Variants in KLC1 observed in about 807,000 individuals in gnomAD.
KLC1 encodes the protein kinesin light chain 1, also known as kinesin 2 60/70kDa.
In KLC1, 30 loss-of-function variants were observed where a neutral mutation model predicts 84.2. The ratio of observed to expected loss-of-function variants is 0.36; its 90% CI spans 0.27 to 0.48. The LOEUF (loss-of-function observed/expected upper bound fraction) is 0.48. Ranked by LOEUF, KLC1 falls within the 20% of genes least tolerant of loss-of-function variation. The pLI, the probability that KLC1 is intolerant of heterozygous loss-of-function variation, is 0.99. For synonymous variants in KLC1, 289 were observed against 293.3 expected, an observed-to-expected ratio of 0.99 and a Z score of 0.15; for missense variants, 499 against 805.4, an observed-to-expected ratio of 0.62 and a Z score of 4.60.
intron 15 of KLC1, chr14:103,698,626 G>T (rs933918150): frequency 6.0e-6 from 4 of 664,878 alleles, no homozygotes; most frequent in Non-Finnish European, 7.9e-6. Flanking sequence ...GCTCAGATGG[G>T]GGTCAGTCTG....
Position 103,693,661 on chromosome 14 carries a change from G to A in KLC1, c.1848+1236G>A, listed in dbSNP as rs766232299. 2.6e-6 allele frequency: 4 copies of A among 1,529,838 alleles called. No homozygotes were observed. Among genetic ancestry groups the A allele is most frequent in the South Asian group, 2.4e-5 (2 of 83,734 alleles). 94.8% of individuals were successfully genotyped at this position (1,529,838 alleles called of 1,614,324 possible). Reference sequence around the variant, plus strand: ...TAACCTGTCTTGGGAGTGTGAGACCGCCCCGCCCTGCCACGCCCCTCACCG... The same window carrying A: ...TAACCTGTCTTGGGAGTGTGAGACCACCCCGCCCTGCCACGCCCCTCACCG... On this transcript the variant is annotated intron_variant, in intron 15 of 16. Transcript: ENST00000334553. The surrounding 1 kb of genome is among the most constrained non-coding windows in gnomAD (Gnocchi z 5.1).
chr14:103,694,747 C>T lies in KLC1; in HGVS notation c.1848+2322C>T, dbSNP rs1333641687. 2 of 985,502 alleles carry T rather than the reference C, an allele frequency of 2.0e-6. No homozygotes were observed. Among genetic ancestry groups the T allele is most frequent in the South Asian group, 4.7e-5 (1 of 21,292 alleles). The allele number at this position is 985,502 out of a possible 1,614,324, so 61.0% of individuals were successfully genotyped here. A position where few individuals can be genotyped will look rare whatever the true frequency, so the allele number is the denominator to read the frequency against. ...TCATGTAACAGGGTGGGTGGTGGCA[C>T]AGCAGAGGCTCACACTTGTCACCTT... On this transcript the variant is annotated intron_variant, in intron 15 of 16. Coordinates refer to ENST00000334553, the MANE Select transcript of KLC1 (RefSeq NM_001394837.1). This position sits in a 1 kb window ranked among gnomAD's most constrained non-coding sequence, Gnocchi z 4.5.
At chr14:103,685,291 T>A in intron 13 of KLC1, 1 of 1,344,432 alleles carries the variant, frequency 7.4e-7, no homozygotes, top group South Asian at 1.7e-5. Context: ...CCTATGTTTT[T>A]CATTGCATAA....
At chr14:103,695,128 G>C (rs1238884817) in intron 15 of KLC1, 9 of 982,628 alleles carry the variant, frequency 9.2e-6, no homozygotes, top group Non-Finnish European at 1.1e-5. Context: ...TTCTGTAATA[G>C]TGGATGGGAT....
At chr14:103,686,082 T>C in intron 13 of KLC1, 1 of 1,018,392 alleles carries the variant, frequency 9.8e-7, no homozygotes, top group Non-Finnish European at 1.2e-6. Flanking sequence ...GGACTCCGGG[T>C]CTCCCTAGGA....
chr14:103,691,530 G>A lies in KLC1; in HGVS notation c.1782-829G>A, dbSNP rs144616043. Reference sequence around the variant, plus strand: ...CTTGCGTAGGCTGGAGTGCAGTGGCGTGATCTCAGCTCACTGCAACCTCTG... The same window carrying A: ...CTTGCGTAGGCTGGAGTGCAGTGGCATGATCTCAGCTCACTGCAACCTCTG... On this transcript the variant is annotated intron_variant, in intron 14 of 16. Coordinates refer to ENST00000334553, the MANE Select transcript of KLC1 (RefSeq NM_001394837.1). Among the ~76,000 whole-genome samples, 137 of 144,546 alleles carry A rather than the reference G, an allele frequency of 9.5e-4. 3 individuals are homozygous for A. In the East Asian group the frequency reaches 0.021, roughly 22 times the overall value. 94.8% of individuals were successfully genotyped at this position (144,546 alleles called of 152,430 possible).
chr14:103,640,905 G>A (rs950850289), intron 1 of KLC1, among the ~76,000 whole-genome samples: 1 of 151,802 alleles, frequency 6.6e-6, no homozygotes, highest in Non-Finnish European at 1.5e-5. Context: ...ACCAACATTG[G>A]TACCTTACTA....
At chr14:103,647,137 C>T (rs1188423223) in intron 1 of KLC1, among the ~76,000 whole-genome samples, 1 of 152,116 alleles carries the variant, frequency 6.6e-6, no homozygotes, top group African/African-American at 2.4e-5. Flanking sequence ...AAACATGCTA[C>T]AGTTACCTTG....
At chr14:103,662,059 G>A in intron 3 of KLC1, 57 bp from the exon 4 acceptor site, 1 of 1,175,590 alleles carries the variant, frequency 8.5e-7, no homozygotes, top group Non-Finnish European at 1.3e-6. Flanking sequence ...AAAATTTTCA[G>A]GACAGGATGT....
At chr14:103,648,108 G>T (rs992807088) in intron 1 of KLC1, among the ~76,000 whole-genome samples, 2 of 151,448 alleles carry the variant, frequency 1.3e-5, no homozygotes, top group Non-Finnish European at 2.9e-5. Context: ...ACGCCACCAC[G>T]CCTGGCTAAT....
In KLC1 at chr14:103,665,306, G is replaced by A. The variant is rs117707759; in HGVS notation, c.797+2379G>A. Among the ~76,000 whole-genome samples the A allele has an allele frequency of 9.5e-4, 144 of 151,902 alleles. 3 individuals are homozygous for A. In the East Asian group the frequency reaches 0.02, roughly 22 times the overall value. On this transcript the variant is annotated intron_variant, in intron 5 of 16. Transcript: ENST00000334553. ...GCTCCAAATGATCCTCCACCTTGACGTCCCAAAGTGCTGGGATTATAGGTG... is the reference window on the plus strand; with the variant it reads ...GCTCCAAATGATCCTCCACCTTGACATCCCAAAGTGCTGGGATTATAGGTG...
In KLC1 at chr14:103,687,130, C is replaced by T; in HGVS notation, c.1700C>T (p.Ala567Val). 1 of 1,548,052 alleles carries T rather than the reference C, an allele frequency of 6.5e-7. No homozygotes were observed. Among genetic ancestry groups the T allele is most frequent in the South Asian group, 1.2e-5 (1 of 83,888 alleles). Residue 567 changes from alanine to valine, a missense_variant, in exon 14 of 17, where the codon GCT (alanine) becomes GTT (valine). By Grantham distance (64) the Ala-to-Val change is moderately conservative. Coordinates refer to ENST00000334553, the MANE Select transcript of KLC1 (RefSeq NM_001394837.1). ...AGTGGTTCCTTTAGCAAACTCCGGGCTTCCATTAGACGCAGCAGTGAGAAG... is the reference window on the plus strand; with the variant it reads ...AGTGGTTCCTTTAGCAAACTCCGGGTTTCCATTAGACGCAGCAGTGAGAAG... ...KRSGSFSKLR[A>V]SIRRSSEKLV...
At chr14:103,669,406 C>T in intron 5 of KLC1, 105 bp from the exon 6 acceptor site, 1 of 670,120 alleles carries the variant, frequency 1.5e-6, no homozygotes, top group African/African-American at 1.8e-5. Context: ...TGCACTCCAA[C>T]CTGTGCAACA....
chr14:103,645,365 G>A (rs1023279595), intron 1 of KLC1, among the ~76,000 whole-genome samples: 9 of 152,180 alleles, frequency 5.9e-5, no homozygotes, highest in Non-Finnish European at 1.2e-4. Flanking sequence ...CCAAGTGGTG[G>A]CTGAGAGTTG....
chr14:103,672,952 G>A (rs541883226), intron 7 of KLC1, 62 bp from the exon 8 acceptor site: 2 of 1,445,752 alleles, frequency 1.4e-6, no homozygotes, highest in East Asian at 2.3e-5. Context: ...TGACAGTAGG[G>A]TGGAGAATGG....
At chr14:103,636,344 C>T (rs2077044374) in intron 1 of KLC1, among the ~76,000 whole-genome samples, 1 of 152,002 alleles carries the variant, frequency 6.6e-6, no homozygotes, top group South Asian at 2.1e-4. Flanking sequence ...GCTTTAATTT[C>T]CTGAGTATCT....
At chr14:103,665,597 G>A (rs571072409) in intron 5 of KLC1, among the ~76,000 whole-genome samples, 73 of 152,006 alleles carry the variant, frequency 4.8e-4, no homozygotes, top group African/African-American at 1.7e-3. Flanking sequence ...ACCAAGCCCC[G>A]CTAATTTTTT....
At chr14:103,653,856 C>T (rs939786507) in intron 1 of KLC1, among the ~76,000 whole-genome samples, 4 of 152,216 alleles carry the variant, frequency 2.6e-5, no homozygotes, top group Non-Finnish European at 4.4e-5. Flanking sequence ...GGAACCATTG[C>T]TCAGTGACAG....
At chr14:103,638,878 G>A (rs997685966) in intron 1 of KLC1, among the ~76,000 whole-genome samples, 1 of 151,432 alleles carries the variant, frequency 6.6e-6, no homozygotes, top group Non-Finnish European at 1.5e-5. Context: ...ATGAACATAG[G>A]GTGTATGTGT....
Sources: gnomAD v4.1 joint callset for allele counts (sites outside exome capture counted in the v4.1 genomes callset) on GRCh38, gnomAD v4.1.1 for gene constraint, Gnocchi (gnomAD v3.1) non-coding constraint, MANE v1.5 for transcripts, NCBI Gene and HGNC (gene_info 2026-07-23, HGNC 2026-07-21) for gene names.